SLC9A4: variants seen among roughly 807,000 people sequenced by gnomAD.
SLC9A4 encodes the protein sodium/hydrogen exchanger 4.
SLC9A4 carries 63 observed loss-of-function variants against 67.4 expected under a neutral mutation model. The ratio of observed to expected loss-of-function variants is 0.93; its 90% CI spans 0.76 to 1.15. SLC9A4 has a LOEUF of 1.15. Ranked by LOEUF, SLC9A4 falls within the 50% of genes most tolerant of loss-of-function variation. SLC9A4 has a pLI of 0.00. For missense variants in SLC9A4, 1,089 were observed against 987.7 expected (o/e 1.10, Z -1.38); for synonymous variants, 393 against 367.2 (o/e 1.07, Z -0.80).
chr2:102,513,941 T>G (rs1685220276), intron 7 of SLC9A4, 149 bp from the exon 8 acceptor site: 1 of 1,119,822 alleles, frequency 8.9e-7, no homozygotes, highest in Non-Finnish European at 1.2e-6. Flanking sequence ...TTTTAAAAAA[T>G]GTGTTCAAAT....
At chr2:102,488,689 A>C (rs2310304) in intron 2 of SLC9A4, among the ~76,000 whole-genome samples, 116,897 of 151,846 alleles carry the variant, frequency 0.77, 46,097 homozygotes, top group African/African-American at 0.91. Flanking sequence ...GCTGGGACTA[A>C]AGGTGCCCAC....
At chr2:102,513,713 A>G (rs1464771853) in intron 7 of SLC9A4, among the ~76,000 whole-genome samples, 2 of 152,368 alleles carry the variant, frequency 1.3e-5, no homozygotes. Context: ...GTTATGCGCT[A>G]TTAGAATGGA....
intron 11 of SLC9A4, among the ~76,000 whole-genome samples, chr2:102,529,529 G>T (rs1289256508): frequency 6.6e-6 from 1 of 152,270 alleles, no homozygotes; most frequent in South Asian, 2.1e-4. Context: ...CTGTGGTTAC[G>T]ATTTATGAAA....
In SLC9A4 at chr2:102,532,578, G is replaced by A. The variant is rs1177814312; in HGVS notation, c.2287G>A (p.Glu763Lys). The change falls in exon 12 of 12, where the codon GAG becomes AAG. Residue 763 changes from glutamate to lysine, a missense_variant. Coordinates refer to ENST00000295269, the MANE Select transcript of SLC9A4 (RefSeq NM_001011552.4). ...AVDEEGESGG[E>K]SEGKASLVEV... ...GGATGAGGAGGGTGAGTCTGGAGGG[G>A]AGAGTGAGGGCAAGGCCTCTTTGGT... The A allele has an allele frequency of 4.3e-6, 7 of 1,613,972 alleles. No homozygotes were observed. Among genetic ancestry groups the A allele is most frequent in the Non-Finnish European group, 5.9e-6 (7 of 1,179,992 alleles).
chr2:102,505,681 G>A (rs1431847220), intron 4 of SLC9A4: 3 of 504,598 alleles, frequency 5.9e-6, no homozygotes, highest in African/African-American at 5.7e-5. Flanking sequence ...GTTCTGCATT[G>A]AAGCAAGGCT....
chr2:102,496,126 A>C (rs7579846), intron 2 of SLC9A4, among the ~76,000 whole-genome samples: 9,296 of 152,284 alleles, frequency 0.061, 887 homozygotes, highest in African/African-American at 0.2. Context: ...CATGCATTTC[A>C]CAAAAGACAT....
intron 11 of SLC9A4, among the ~76,000 whole-genome samples, chr2:102,526,780 G>A (rs955417505): frequency 6.6e-6 from 1 of 151,998 alleles, no homozygotes; most frequent in Non-Finnish European, 1.5e-5. Flanking sequence ...TCACTAAAAT[G>A]ATTTCACCAG....
chr2:102,484,237 A>G (rs1684537123), intron 2 of SLC9A4, among the ~76,000 whole-genome samples: 1 of 152,184 alleles, frequency 6.6e-6, no homozygotes, highest in Non-Finnish European at 1.5e-5. Context: ...ATGGGTGTGC[A>G]CAGCTCTCCC....
Position 102,479,073 on chromosome 2 carries a change from TGG to T in SLC9A4, c.495_496del (p.Ala166ProfsTer50). Reference sequence around the variant, plus strand: ...GGCTCCATCCTGTGGTGGGCAGTATTGGGGGCCCTGATCAACGCCTTGGGCAT... The same window carrying T: ...GGCTCCATCCTGTGGTGGGCAGTATTGGGCCCTGATCAACGCCTTGGGCAT... On this transcript the variant is annotated frameshift_variant, in exon 2 of 12. Coordinates refer to ENST00000295269, the MANE Select transcript of SLC9A4 (RefSeq NM_001011552.4). LOFTEE classifies it high-confidence loss of function. The T allele has an allele frequency of 6.2e-7, 1 of 1,614,190 alleles. No individual in the cohort carries two copies. The highest frequency in any genetic ancestry group is 1.1e-5 in the South Asian group (1 of 91,086).
chr2:102,527,848 T>G (rs1244447833), intron 11 of SLC9A4, among the ~76,000 whole-genome samples: 1 of 152,210 alleles, frequency 6.6e-6, no homozygotes, highest in Admixed American at 6.5e-5. Context: ...ATCTTTCACA[T>G]TTTGGAAACA....
At chr2:102,503,051 G>A (rs189469807) in intron 2 of SLC9A4, among the ~76,000 whole-genome samples, 8 of 152,352 alleles carry the variant, frequency 5.3e-5, no homozygotes, top group African/African-American at 1.9e-4. Flanking sequence ...GCACCTGAAT[G>A]TCCTTTCTAG....
In SLC9A4 at chr2:102,503,691, C is replaced by T. The variant is rs762876917; in HGVS notation, c.964C>T (p.Leu322Phe). ...LSYLAAETLYLSGILAITACA... is the reference protein window; with the variant it reads ...LSYLAAETLYFSGILAITACA... ...TTACTTAGCTGCTGAAACCCTCTAT[C>T]TCTCCGGCATCCTGGCGTGAGTACA... The change falls in exon 3 of 12, where the codon CTC becomes TTC. Residue 322 changes from leucine to phenylalanine, a missense_variant. By Grantham distance (22) the Leu-to-Phe change is conservative (BLOSUM62 0). Coordinates refer to ENST00000295269, the MANE Select transcript of SLC9A4 (RefSeq NM_001011552.4). The T allele has an allele frequency of 1.2e-6, 2 of 1,614,194 alleles. No homozygotes were observed. Among genetic ancestry groups the T allele is most frequent in the Non-Finnish European group, 1.7e-6 (2 of 1,180,018 alleles).
chr2:102,514,159 T>G lies in SLC9A4; in HGVS notation c.1629T>G (p.Ile543Met), dbSNP rs751794126. 1.7e-5 allele frequency: 28 copies of G among 1,614,034 alleles called. No homozygotes were observed. The highest frequency in any genetic ancestry group is 2.3e-5 in the Non-Finnish European group (27 of 1,180,022). Reference protein sequence around the residue: ...LIRKNLPKSSIVSLYKKLEMK... With the variant: ...LIRKNLPKSSMVSLYKKLEMK... ...GAAAGAACCTACCCAAATCAAGCAT[T>G]GTTTCTTTGTACAAGAAGCTGGAAA... is the stretch of plus-strand genomic sequence containing the variant. The change falls in exon 8 of 12, where the codon ATT becomes ATG. Residue 543 changes from isoleucine (I) to methionine (M), a missense_variant. Physicochemically the swap from Ile to Met is conservative, Grantham distance 10 (BLOSUM62 1). Transcript: ENST00000295269.
At chr2:102,489,904 A>G (rs527339343) in intron 2 of SLC9A4, among the ~76,000 whole-genome samples, 10 of 152,290 alleles carry the variant, frequency 6.6e-5, no homozygotes, top group Non-Finnish European at 1.5e-4. Context: ...GTTGCCAATA[A>G]ACTGCCCATG....
intron 1 of SLC9A4, among the ~76,000 whole-genome samples, chr2:102,476,721 G>A (rs1291740829): frequency 3.9e-5 from 6 of 152,002 alleles, no homozygotes; most frequent in Admixed American, 3.9e-4. Context: ...AGATGGATAA[G>A]GAGAAGGAGG....
intron 1 of SLC9A4, among the ~76,000 whole-genome samples, chr2:102,477,873 A>G (rs987708324): frequency 6.6e-6 from 1 of 152,186 alleles, no homozygotes; most frequent in Non-Finnish European, 1.5e-5. Context: ...AACTCTCACC[A>G]TGTTTGTTGA....
chr2:102,516,325 T>C (rs906412062), intron 8 of SLC9A4, among the ~76,000 whole-genome samples: 2 of 152,206 alleles, frequency 1.3e-5, no homozygotes, highest in Non-Finnish European at 2.9e-5. Flanking sequence ...TTAAAGTTGA[T>C]ATTTAATACA....
intron 3 of SLC9A4, 111 bp from the exon 4 acceptor site, chr2:102,505,143 A>G (rs1685022964): frequency 1.1e-6 from 1 of 933,906 alleles, no homozygotes; most frequent in Non-Finnish European, 1.6e-6. Context: ...TAAGGGAGAT[A>G]TTCCTGCATC....
chr2:102,497,159 CTGGCCTCAAGTGA>C (rs1684827039), intron 2 of SLC9A4, among the ~76,000 whole-genome samples: 1 of 152,208 alleles, frequency 6.6e-6, no homozygotes, highest in Non-Finnish European at 1.5e-5. Flanking sequence ...TCTTGAACTC[CTGGCCTCAAGTGA>C]TGCATCTGCC....
Sources: allele counts gnomAD v4.1 joint callset (sites outside exome capture counted in the v4.1 genomes callset), GRCh38; gene constraint gnomAD v4.1.1; transcripts MANE v1.5; gene names NCBI Gene and HGNC (gene_info 2026-07-23, HGNC 2026-07-21).